The following PDE4B variants were observed in gnomAD, a reference collection of about 807,000 sequenced individuals.
PDE4B encodes the protein phosphodiesterase 4B.
In PDE4B, 20 loss-of-function variants were observed where a neutral mutation model predicts 82.2. The ratio of observed to expected loss-of-function variants is 0.24; its 90% CI spans 0.17 to 0.35. The LOEUF (loss-of-function observed/expected upper bound fraction) is 0.35, where lower values mean the gene tolerates loss of function less well. Ranked by LOEUF, PDE4B falls within the 10% of genes least tolerant of loss-of-function variation. The pLI, the probability that PDE4B is intolerant of heterozygous loss-of-function variation, is 1.00. For synonymous variants in PDE4B, 320 were observed against 318.9 expected (o/e 1.00, Z -0.04); for missense variants, 655 against 907.2 (o/e 0.72, Z 3.57).
intron 7 of PDE4B, among the ~76,000 whole-genome samples, chr1:66,281,040 T>A (rs1656267142): frequency 6.6e-6 from 1 of 152,194 alleles, no homozygotes; most frequent in East Asian, 1.9e-4. Flanking sequence ...TGGGTATCTA[T>A]GCTTATGGAC....
At chr1:66,371,940 C>T (rs781672243) in intron 16 of PDE4B, among the ~76,000 whole-genome samples, 4 of 152,128 alleles carry the variant, frequency 2.6e-5, no homozygotes, top group Non-Finnish European at 2.9e-5. Context: ...TCTTATCTGG[C>T]GCACATAAAA....
intron 12 of PDE4B, among the ~76,000 whole-genome samples, chr1:66,363,781 T>TA: frequency 6.6e-6 from 1 of 151,796 alleles, no homozygotes; most frequent in African/African-American, 2.4e-5. Flanking sequence ...AAAATAAAAA[T>TA]AAAAAAAATT....
intron 3 of PDE4B, among the ~76,000 whole-genome samples, chr1:66,122,920 C>A (rs181690607): frequency 6.6e-6 from 1 of 151,066 alleles, no homozygotes; most frequent in Non-Finnish European, 1.5e-5. Context: ...TGGCCAGGCT[C>A]GTCTTGAACT....
intron 1 of PDE4B, among the ~76,000 whole-genome samples, chr1:65,854,128 C>G: frequency 6.6e-6 from 1 of 151,810 alleles, no homozygotes; most frequent in Non-Finnish European, 1.5e-5. Flanking sequence ...CATAAGAACC[C>G]CAACCCACCT....
chr1:65,918,140 C>T (rs575786097), intron 2 of PDE4B, among the ~76,000 whole-genome samples: 5 of 152,122 alleles, frequency 3.3e-5, no homozygotes, highest in South Asian at 2.1e-4. Flanking sequence ...GGTGACAGAG[C>T]GAGACTCCAT....
chr1:65,877,071 A>G (rs536435369), intron 1 of PDE4B, among the ~76,000 whole-genome samples: 1 of 152,320 alleles, frequency 6.6e-6, no homozygotes, highest in South Asian at 2.1e-4. Flanking sequence ...TTCATATGGA[A>G]CCAAAAAAGA....
chr1:66,252,262 A>G (rs1334116778), intron 4 of PDE4B, among the ~76,000 whole-genome samples: 1 of 152,210 alleles, frequency 6.6e-6, no homozygotes, highest in Non-Finnish European at 1.5e-5. Context: ...TGTAAATATA[A>G]CATAAATATG....
intron 1 of PDE4B, among the ~76,000 whole-genome samples, chr1:65,825,064 C>T (rs1645998702): frequency 6.6e-6 from 1 of 152,194 alleles, no homozygotes; most frequent in Non-Finnish European, 1.5e-5. Context: ...TTTCTTATTC[C>T]TTACCTCTTT....
At chr1:66,359,428 C>CT (rs1260089002) in intron 9 of PDE4B, among the ~76,000 whole-genome samples, 1 of 152,192 alleles carries the variant, frequency 6.6e-6, no homozygotes, top group Non-Finnish European at 1.5e-5. Flanking sequence ...TATTTCCACA[C>CT]TGTGCTGGCT....
intron 6 of PDE4B, among the ~76,000 whole-genome samples, chr1:66,259,729 A>T (rs1040730698): frequency 1.3e-5 from 2 of 152,208 alleles, no homozygotes; most frequent in Non-Finnish European, 2.9e-5. Flanking sequence ...AATGCCTGAC[A>T]TACAGTTTGT....
intron 7 of PDE4B, among the ~76,000 whole-genome samples, chr1:66,284,362 A>G (rs1030292663): frequency 1.3e-5 from 2 of 152,188 alleles, no homozygotes; most frequent in African/African-American, 4.8e-5. Context: ...GTGGATTAGG[A>G]GACTACATAT....
chr1:66,246,562 G>GA (rs1256699592), intron 3 of PDE4B, among the ~76,000 whole-genome samples: 4 of 152,138 alleles, frequency 2.6e-5, no homozygotes, highest in Non-Finnish European at 2.9e-5. Flanking sequence ...GTGTGTGCAG[G>GA]AAAAAATGCA....
intron 6 of PDE4B, among the ~76,000 whole-genome samples, chr1:66,261,481 C>T (rs1426793305): frequency 6.6e-6 from 1 of 152,172 alleles, no homozygotes; most frequent in African/African-American, 2.4e-5. Flanking sequence ...TCCAGGGTGC[C>T]ACTCCCTGCC....
chr1:66,052,226 C>T (rs959384785), intron 3 of PDE4B, among the ~76,000 whole-genome samples: 3 of 152,024 alleles, frequency 2.0e-5, no homozygotes, highest in African/African-American at 7.2e-5. Context: ...TTGAAATGTC[C>T]GTAAAGTTTT....
chr1:65,980,957 A>G lies in PDE4B; in HGVS notation c.281+62122A>G, dbSNP rs148890956. 3.5e-3 allele frequency among the ~76,000 whole-genome samples: 534 copies of G among 152,330 alleles called. 3 individuals carry two copies. The highest frequency in any genetic ancestry group is 0.012 in the African/African-American group (507 of 41,590). On this transcript the variant is annotated intron_variant, in intron 3 of 16. Coordinates refer to ENST00000341517, the MANE Select transcript of PDE4B (RefSeq NM_002600.4). ...AATAAAAGAAATTTATTGGCTATAG[A>G]TAATATAGCACAAATTGGATAATTT...
chr1:65,862,435 A>C (rs769108702), intron 1 of PDE4B, among the ~76,000 whole-genome samples: 1 of 152,074 alleles, frequency 6.6e-6, no homozygotes, highest in Non-Finnish European at 1.5e-5. Context: ...TTGATGTGCA[A>C]CTGGATTCGG....
intron 3 of PDE4B, among the ~76,000 whole-genome samples, chr1:66,090,347 A>G (rs896940824): frequency 6.6e-6 from 1 of 151,882 alleles, no homozygotes; most frequent in Non-Finnish European, 1.5e-5. Context: ...AAATAGGTTT[A>G]GATAGATTTA....
intron 1 of PDE4B, among the ~76,000 whole-genome samples, chr1:65,847,759 C>A (rs1046196506): frequency 6.6e-6 from 1 of 152,154 alleles, no homozygotes; most frequent in Admixed American, 6.6e-5. Context: ...GGTGGCAGTT[C>A]TTTAGTATAC....
rs553593491 is a variant in PDE4B, at chr1:65,979,931, C to T, written c.281+61096C>T. Among the ~76,000 whole-genome samples, 8 of 152,106 alleles carry T rather than the reference C, an allele frequency of 5.3e-5. No homozygotes were observed. In the South Asian group the frequency reaches 1.0e-3, roughly 20 times the overall value. ...TAGGAGATTAAAGCTGAGGAAGGTA[C>T]GAGAAAGGGCAGGGCTGTTGTTTTA... is the stretch of plus-strand genomic sequence containing the variant. On this transcript the variant is annotated intron_variant, in intron 3 of 16. Coordinates refer to ENST00000341517, the MANE Select transcript of PDE4B (RefSeq NM_002600.4).
Sources: gnomAD v4.1 joint callset for allele counts (sites outside exome capture counted in the v4.1 genomes callset) on GRCh38, gnomAD v4.1.1 for gene constraint, MANE v1.5 for transcripts, NCBI Gene and HGNC (gene_info 2026-07-23, HGNC 2026-07-21) for gene names.